KCNIP4: variants seen among roughly 807,000 people sequenced by gnomAD.
KCNIP4 encodes the protein potassium voltage-gated channel interacting protein 4, also known as Kv channel-interacting protein 4.
Under a neutral mutation model 34.0 loss-of-function variants are expected in KCNIP4, and 12 were observed. The ratio of observed to expected loss-of-function variants is 0.35; its 90% CI spans 0.23 to 0.57. The LOEUF (loss-of-function observed/expected upper bound fraction) is 0.57. KCNIP4 is among the 20% of genes least tolerant of loss of function. KCNIP4 has a pLI of 0.83. For synonymous variants in KCNIP4, 124 were observed against 102.2 expected (o/e 1.21, Z -1.29); for missense variants, 238 against 311.7 (o/e 0.76, Z 1.78).
chr4:21,552,144 T>C (rs1237799623), intron 1 of KCNIP4, among the ~76,000 whole-genome samples: 3 of 152,028 alleles, frequency 2.0e-5, no homozygotes, highest in Non-Finnish European at 4.4e-5. Context: ...GCAGTAAAGT[T>C]TTATTAATGA....
chr4:21,062,100 A>C (rs1374285074), intron 1 of KCNIP4, among the ~76,000 whole-genome samples: 1 of 152,182 alleles, frequency 6.6e-6, no homozygotes, highest in African/African-American at 2.4e-5. Flanking sequence ...AAGTGAATAC[A>C]AATAATACAT....
chr4:21,035,121 G>A (rs1741344164), intron 1 of KCNIP4, among the ~76,000 whole-genome samples: 1 of 152,078 alleles, frequency 6.6e-6, no homozygotes, highest in South Asian at 2.1e-4. Flanking sequence ...AAAGATTCTG[G>A]GATGCAATGT....
At chr4:20,832,519 A>C (rs1476047001) in intron 3 of KCNIP4, among the ~76,000 whole-genome samples, 2 of 152,162 alleles carry the variant, frequency 1.3e-5, no homozygotes, top group African/African-American at 4.8e-5. Context: ...AATGTTGTGG[A>C]ATCTATAATG....
intron 1 of KCNIP4, among the ~76,000 whole-genome samples, chr4:21,183,458 G>A (rs1456047914): frequency 7.0e-6 from 1 of 143,506 alleles, no homozygotes; most frequent in African/African-American, 2.7e-5. Flanking sequence ...TGTAATGGCT[G>A]TGTTGTTTTT....
chr4:21,250,197 C>T (rs1360857146), intron 1 of KCNIP4, among the ~76,000 whole-genome samples: 11 of 137,756 alleles, frequency 8.0e-5, no homozygotes, highest in South Asian at 5.0e-4. Context: ...ACTACACTCT[C>T]GCAGAGATCT....
intron 3 of KCNIP4, among the ~76,000 whole-genome samples, chr4:20,798,524 T>TACAC (rs552287842): frequency 1.6e-5 from 2 of 126,730 alleles, no homozygotes; most frequent in Non-Finnish European, 3.5e-5. Flanking sequence ...GACACACACA[T>TACAC]ACACACACAC....
intron 1 of KCNIP4, among the ~76,000 whole-genome samples, chr4:21,130,131 C>T (rs1164096911): frequency 6.6e-6 from 1 of 151,810 alleles, no homozygotes; most frequent in Non-Finnish European, 1.5e-5. Flanking sequence ...CTTCTATATC[C>T]TCCCTCATAT....
At chr4:21,051,438 A>G (rs1742921678) in intron 1 of KCNIP4, among the ~76,000 whole-genome samples, 1 of 152,132 alleles carries the variant, frequency 6.6e-6, no homozygotes, top group Non-Finnish European at 1.5e-5. Flanking sequence ...GCAGTAATTA[A>G]TTTTCCCTTA....
At chr4:21,069,774 T>C (rs1436386103) in intron 1 of KCNIP4, among the ~76,000 whole-genome samples, 1 of 152,236 alleles carries the variant, frequency 6.6e-6, no homozygotes, top group Non-Finnish European at 1.5e-5. Context: ...GGAAATTGCA[T>C]AGTTAGTACA....
intron 1 of KCNIP4, among the ~76,000 whole-genome samples, chr4:21,279,195 A>G (rs1872461): frequency 0.22 from 33,834 of 152,150 alleles, 4,226 homozygotes; most frequent in South Asian, 0.35. Flanking sequence ...CATCAACGTA[A>G]TGGTAGAACA....
chr4:20,868,519 C>T (rs189657911), intron 2 of KCNIP4, among the ~76,000 whole-genome samples: 124 of 152,104 alleles, frequency 8.2e-4, no homozygotes, highest in Non-Finnish European at 1.6e-3. Flanking sequence ...AATAATTCTA[C>T]CAAAAAGACA....
intron 3 of KCNIP4, among the ~76,000 whole-genome samples, chr4:20,785,514 C>T (rs1055268088): frequency 1.4e-4 from 22 of 152,040 alleles, no homozygotes; most frequent in African/African-American, 5.3e-4. Context: ...TGCTGATCCA[C>T]CTAGCAATGA....
chr4:21,528,780 G>GAAAGA (rs1736351745), intron 1 of KCNIP4, among the ~76,000 whole-genome samples: 2 of 10,722 alleles, frequency 1.9e-4, no homozygotes, highest in Non-Finnish European at 3.6e-4. Context: ...AGAAAGAAAG[G>GAAAGA]AAGAAAGGAA....
At chr4:21,106,336 G>A (rs963874806) in intron 1 of KCNIP4, among the ~76,000 whole-genome samples, 1 of 151,716 alleles carries the variant, frequency 6.6e-6, no homozygotes, top group African/African-American at 2.4e-5. Context: ...GAGGGTGTAT[G>A]TGTCGAGGAA....
chr4:21,143,209 A>T lies in KCNIP4; in HGVS notation c.62-260500T>A, dbSNP rs533807567. 1.8e-4 allele frequency among the ~76,000 whole-genome samples: 27 copies of T among 152,318 alleles called. No individual in the cohort carries two copies. In the East Asian group the frequency reaches 5.2e-3, roughly 29 times the overall value. On this transcript the variant is annotated intron_variant, in intron 1 of 8. Transcript: ENST00000382152. Reference sequence around the variant, plus strand: ...TTATCTACATAAACTTAATCTAATAAAACCAGCCCTTAAAAGTGGAGAACA... The same window carrying T: ...TTATCTACATAAACTTAATCTAATATAACCAGCCCTTAAAAGTGGAGAACA...
intron 1 of KCNIP4, among the ~76,000 whole-genome samples, chr4:21,077,304 T>G (rs1261994170): frequency 6.6e-6 from 1 of 152,116 alleles, no homozygotes; most frequent in Non-Finnish European, 1.5e-5. Context: ...TGTTCGCTTA[T>G]CTCATTTGAA....
intron 1 of KCNIP4, among the ~76,000 whole-genome samples, chr4:21,530,859 G>C (rs1736612931): frequency 6.6e-6 from 1 of 152,170 alleles, no homozygotes; most frequent in Admixed American, 6.5e-5. Context: ...AGTAAGTTGA[G>C]GATGGCAGGA....
intron 3 of KCNIP4, among the ~76,000 whole-genome samples, chr4:20,788,046 C>T (rs1712237348): frequency 6.6e-6 from 1 of 151,960 alleles, no homozygotes; most frequent in African/African-American, 2.4e-5. Flanking sequence ...CACCTTTCAC[C>T]TGGTATTGTG....
At position 21,629,849 on chromosome 4, in the gene KCNIP4, CTT is replaced by C. The variant is rs5856652; in HGVS notation, c.61+318720_61+318721del. 3.8e-4 allele frequency among the ~76,000 whole-genome samples: 33 copies of C among 87,788 alleles called. No homozygotes were observed. The South Asian group carries it at 7.4e-3, about 20-fold the overall frequency. The allele number at this position is 87,788 out of a possible 152,430, so 57.6% of individuals were successfully genotyped here. On this transcript the variant is annotated intron_variant, in intron 1 of 8. Coordinates refer to ENST00000382152, the MANE Select transcript of KCNIP4 (RefSeq NM_025221.6). ...ACCATATTTCCTTTTCTTTTTCTTT[CTT>C]TTTTTTTTTTTTTTTTTGAGACAGG...
Sources: allele counts gnomAD v4.1 joint callset (sites outside exome capture counted in the v4.1 genomes callset), GRCh38; gene constraint gnomAD v4.1.1; transcripts MANE v1.5; gene names NCBI Gene and HGNC (gene_info 2026-07-23, HGNC 2026-07-21).